The following ACVR2B variants were observed in gnomAD, a reference collection of about 807,000 sequenced individuals.
ACVR2B encodes the protein activin A receptor type 2B, also known as activin receptor type-2B.
Under a neutral mutation model 65.1 loss-of-function variants are expected in ACVR2B, and 18 were observed. That is an observed-to-expected ratio of 0.28 (90% CI 0.19 to 0.41). The LOEUF (loss-of-function observed/expected upper bound fraction) is 0.41, where lower values mean the gene tolerates loss of function less well. Among genes scored for constraint, ACVR2B ranks in the 10% least tolerant of loss-of-function variants. The pLI, the probability that ACVR2B is intolerant of heterozygous loss-of-function variation, is 1.00. For synonymous variants in ACVR2B, 298 were observed against 277.7 expected, an observed-to-expected ratio of 1.07 and a Z score of -0.73; for missense variants, 482 against 682.7, an observed-to-expected ratio of 0.71 and a Z score of 3.28.
intron 1 of ACVR2B, among the ~76,000 whole-genome samples, chr3:38,465,438 C>G (rs942758357): frequency 1.5e-4 from 22 of 148,738 alleles, no homozygotes; most frequent in Non-Finnish European, 3.0e-4. Flanking sequence ...TCACTGTGGT[C>G]AAGGAAATGA....
At chr3:38,459,382 A>G (rs1337388779) in intron 1 of ACVR2B, among the ~76,000 whole-genome samples, 3 of 152,108 alleles carry the variant, frequency 2.0e-5, no homozygotes, top group East Asian at 3.9e-4. Flanking sequence ...GCACCCGCCC[A>G]CTCGCCTCTG....
At chr3:38,463,112 C>T (rs560050162) in intron 1 of ACVR2B, among the ~76,000 whole-genome samples, 1 of 152,288 alleles carries the variant, frequency 6.6e-6, no homozygotes, top group African/African-American at 2.4e-5. Context: ...CCTGTGTCTC[C>T]TACCTTGTGC....
chr3:38,457,081 G>A (rs1265616660), intron 1 of ACVR2B, among the ~76,000 whole-genome samples: 2 of 152,178 alleles, frequency 1.3e-5, no homozygotes, highest in Non-Finnish European at 2.9e-5. Context: ...GCACACGCCT[G>A]TAGTCCCAGC....
In ACVR2B at chr3:38,454,197, C is replaced by T; in HGVS notation, c.-126C>T. 1.5e-6 allele frequency: 1 copy of T among 669,636 alleles called. No individual in the cohort carries two copies. 41.5% of individuals were successfully genotyped at this position (669,636 alleles called of 1,614,324 possible). A position where few individuals can be genotyped will look rare whatever the true frequency, so the allele number is the denominator to read the frequency against. On this transcript the variant is annotated 5_prime_UTR_variant, in exon 1 of 11. Transcript: ENST00000352511. ...CGGGGACGAAGGCGCAGGAAGCGCGCAGGGAACGAGACCGAAGGAAGGAGC... is the reference window on the plus strand; with the variant it reads ...CGGGGACGAAGGCGCAGGAAGCGCGTAGGGAACGAGACCGAAGGAAGGAGC...
intron 1 of ACVR2B, among the ~76,000 whole-genome samples, chr3:38,465,688 G>A (rs1353130354): frequency 1.3e-5 from 2 of 152,182 alleles, no homozygotes; most frequent in African/African-American, 4.8e-5. Flanking sequence ...AGGATGAAAT[G>A]AGAAGGTCTA....
rs1710177386 is a variant in ACVR2B, at chr3:38,489,511, C to T, written c.*6179C>T. ...TGCGGGTCTTTTTTGGCCAAAACTC[C>T]ACTTGTGGTTGTGTAGGACAGTGAT... is the stretch of plus-strand genomic sequence containing the variant. On this transcript the variant is annotated 3_prime_UTR_variant, in exon 11 of 11. Coordinates refer to ENST00000352511, the MANE Select transcript of ACVR2B (RefSeq NM_001106.4). The T allele has an allele frequency of 6.6e-6, 1 of 152,570 alleles. No individual in the cohort carries two copies. 9.5% of individuals were successfully genotyped at this position (152,570 alleles called of 1,614,324 possible).
chr3:38,472,310 T>C (rs1272047304), intron 1 of ACVR2B, among the ~76,000 whole-genome samples: 1 of 152,182 alleles, frequency 6.6e-6, no homozygotes, highest in Non-Finnish European at 1.5e-5. Context: ...GCTAGGGCTA[T>C]AAAGGCAGCT....
chr3:38,468,124 C>T (rs1272414724), intron 1 of ACVR2B, among the ~76,000 whole-genome samples: 1 of 152,130 alleles, frequency 6.6e-6, no homozygotes, highest in Non-Finnish European at 1.5e-5. Flanking sequence ...AAGCAGTCTG[C>T]CCGTGTCAGC....
In ACVR2B at chr3:38,483,909, G is replaced by A. The variant is rs1467684270; in HGVS notation, c.*577G>A. 1.3e-5 allele frequency: 2 copies of A among 153,042 alleles called. No homozygotes were observed. Among genetic ancestry groups the A allele is most frequent in the Non-Finnish European group, 2.9e-5 (2 of 68,476 alleles). The allele number at this position is 153,042 out of a possible 1,614,324, so 9.5% of individuals were successfully genotyped here. On this transcript the variant is annotated 3_prime_UTR_variant, in exon 11 of 11. Coordinates refer to ENST00000352511, the MANE Select transcript of ACVR2B (RefSeq NM_001106.4). This position sits in a 1 kb window ranked among gnomAD's most constrained non-coding sequence, Gnocchi z 4.8. Reference sequence around the variant, plus strand: ...CAGATGTGTCTTTCACGGATCTAACGGGTGTTGTCCTGATCGAGAAAAAAA... The same window carrying A: ...CAGATGTGTCTTTCACGGATCTAACAGGTGTTGTCCTGATCGAGAAAAAAA...
intron 1 of ACVR2B, chr3:38,454,715 C>T: frequency 4.5e-6 from 1 of 220,912 alleles, no homozygotes; most frequent in Non-Finnish European, 8.9e-6. Context: ...GGGAAGGCGG[C>T]CAAGAGGGGT....
chr3:38,465,478 C>T (rs1394268290), intron 1 of ACVR2B, among the ~76,000 whole-genome samples: 1 of 150,086 alleles, frequency 6.7e-6, no homozygotes, highest in African/African-American at 2.5e-5. Flanking sequence ...TAGCTGAAAA[C>T]TATAAACCAA....
At position 38,492,509 on chromosome 3, in the gene ACVR2B, T is replaced by C. The variant is rs1378027896; in HGVS notation, c.*9177T>C. The C allele has an allele frequency of 2.0e-5, 3 of 152,312 alleles. No individual in the cohort carries two copies. Among genetic ancestry groups the C allele is most frequent in the African/African-American group, 7.2e-5 (3 of 41,424 alleles). 9.4% of individuals were successfully genotyped at this position (152,312 alleles called of 1,614,324 possible). ...AGTTTTTGGCTCAAATAAGTACTGTTTGTATACCAGGATATGTGAGATGTA... is the reference window on the plus strand; with the variant it reads ...AGTTTTTGGCTCAAATAAGTACTGTCTGTATACCAGGATATGTGAGATGTA... On this transcript the variant is annotated 3_prime_UTR_variant, in exon 11 of 11. Transcript: ENST00000352511.
At chr3:38,476,724 C>G (rs1709915934) in intron 1 of ACVR2B, 1 of 164,930 alleles carries the variant, frequency 6.1e-6, no homozygotes, top group South Asian at 1.6e-4. Flanking sequence ...ATCACAATCA[C>G]CTGAGACAGA....
Position 38,481,526 on chromosome 3 carries a change from T to C in ACVR2B, c.1074+61T>C. The C allele has an allele frequency of 7.1e-7, 1 of 1,416,176 alleles. No homozygotes were observed. Among genetic ancestry groups the C allele is most frequent in the African/African-American group, 1.4e-5 (1 of 71,044 alleles). 87.7% of individuals were successfully genotyped at this position (1,416,176 alleles called of 1,614,324 possible). A position where few individuals can be genotyped will look rare whatever the true frequency, so the allele number is the denominator to read the frequency against. ...ACCCAGGGTAGATACTTTGCCCTTTTTGTGCTCAGCTGGGGAGGTGCAGGG... is the reference window on the plus strand; with the variant it reads ...ACCCAGGGTAGATACTTTGCCCTTTCTGTGCTCAGCTGGGGAGGTGCAGGG... On this transcript the variant is annotated intron_variant, in intron 8 of 10. Transcript: ENST00000352511. The surrounding 1 kb of genome is among the most constrained non-coding windows in gnomAD (Gnocchi z 4.7).
chr3:38,456,767 T>G (rs560316554), intron 1 of ACVR2B, among the ~76,000 whole-genome samples: 1 of 152,302 alleles, frequency 6.6e-6, no homozygotes, highest in Non-Finnish European at 1.5e-5. Flanking sequence ...TCTCATTACC[T>G]GATGGCCCCA....
chr3:38,461,708 T>G (rs886596239), intron 1 of ACVR2B, among the ~76,000 whole-genome samples: 1 of 152,164 alleles, frequency 6.6e-6, no homozygotes, highest in Non-Finnish European at 1.5e-5. Context: ...TAAAAAAAAT[T>G]TATTACTTTT....
At position 38,454,201 on chromosome 3, in the gene ACVR2B, G is replaced by A. The variant is rs1350289569; in HGVS notation, c.-122G>A. The A allele has an allele frequency of 4.2e-6, 3 of 720,302 alleles. No individual in the cohort carries two copies. The highest frequency in any genetic ancestry group is 3.6e-6 in the Non-Finnish European group (2 of 551,604). The allele number at this position is 720,302 out of a possible 1,614,324, so 44.6% of individuals were successfully genotyped here. On this transcript the variant is annotated 5_prime_UTR_variant, in exon 1 of 11. Coordinates refer to ENST00000352511, the MANE Select transcript of ACVR2B (RefSeq NM_001106.4). The stretch of plus-strand genomic sequence containing the variant: ...GACGAAGGCGCAGGAAGCGCGCAGG[G>A]AACGAGACCGAAGGAAGGAGCGGGA...
In ACVR2B at chr3:38,484,000, CAG is replaced by C. The variant is rs1710070064; in HGVS notation, c.*671_*672del. The stretch of plus-strand genomic sequence containing the variant: ...ACGGTACTGGGGGTAGGGTTTGGAA[CAG>C]AGCTACACTGGACTCGGGCACATTC... On this transcript the variant is annotated 3_prime_UTR_variant, in exon 11 of 11. Transcript: ENST00000352511. This position sits in a 1 kb window ranked among gnomAD's most constrained non-coding sequence, Gnocchi z 4.8. 6.5e-6 allele frequency: 1 copy of C among 152,748 alleles called. No individual in the cohort carries two copies. Among genetic ancestry groups the C allele is most frequent in the Non-Finnish European group, 1.5e-5 (1 of 68,192 alleles). The allele number at this position is 152,748 out of a possible 1,614,324, so 9.5% of individuals were successfully genotyped here.
At chr3:38,466,429 A>C (rs1247149734) in intron 1 of ACVR2B, among the ~76,000 whole-genome samples, 3 of 152,186 alleles carry the variant, frequency 2.0e-5, no homozygotes, top group Non-Finnish European at 4.4e-5. Context: ...ATCATTACGC[A>C]GTGTATATAT....
Sources: allele counts gnomAD v4.1 joint callset (sites outside exome capture counted in the v4.1 genomes callset), GRCh38; gene constraint gnomAD v4.1.1; non-coding constraint Gnocchi (gnomAD v3.1); transcripts MANE v1.5; gene names NCBI Gene and HGNC (gene_info 2026-07-23, HGNC 2026-07-21).